The following PTGES3 variants were observed in gnomAD, a reference collection of about 807,000 sequenced individuals.
PTGES3 encodes the protein prostaglandin E synthase 3.
A neutral mutation model predicts 29.9 loss-of-function variants in PTGES3; 5 were observed. The observed-to-expected ratio is 0.17, with a 90% CI of 0.09 to 0.35. The LOEUF is 0.35. Ranked by LOEUF, PTGES3 falls within the 10% of genes least tolerant of loss-of-function variation. The pLI is 1.00. For missense variants in PTGES3, 128 were observed against 190.0 expected, an observed-to-expected ratio of 0.67 and a Z score of 1.92; for synonymous variants, 49 against 57.8, an observed-to-expected ratio of 0.85 and a Z score of 0.69.
At chr12:56,685,233 A>G (rs1209388766) in intron 1 of PTGES3, among the ~76,000 whole-genome samples, 1 of 152,194 alleles carries the variant, frequency 6.6e-6, no homozygotes, top group Non-Finnish European at 1.5e-5. Context: ...TCATTTTAAA[A>G]TTTAAGTCTT....
intron 1 of PTGES3, 199 bp downstream of exon 1, chr12:56,687,799 T>G (rs910025719): frequency 7.0e-7 from 1 of 1,429,168 alleles, no homozygotes. Context: ...GGTTCAGGGG[T>G]GGGGGAAGCA....
intron 1 of PTGES3, among the ~76,000 whole-genome samples, chr12:56,685,364 G>C (rs1279992770): frequency 6.6e-6 from 1 of 150,382 alleles, no homozygotes; most frequent in Non-Finnish European, 1.5e-5. Flanking sequence ...AAGTGGCATT[G>C]AATCACTCGT....
chr12:56,686,145 T>G (rs1333676558), intron 1 of PTGES3, among the ~76,000 whole-genome samples: 2 of 152,038 alleles, frequency 1.3e-5, no homozygotes, highest in Non-Finnish European at 2.9e-5. Flanking sequence ...TATTTAAATA[T>G]CTCATGTGGC....
chr12:56,684,683 G>A (rs746207922), intron 1 of PTGES3, among the ~76,000 whole-genome samples: 4 of 152,174 alleles, frequency 2.6e-5, no homozygotes, highest in East Asian at 3.9e-4. Flanking sequence ...TCGGTCGAAC[G>A]ACAATGATTC....
intron 1 of PTGES3, among the ~76,000 whole-genome samples, chr12:56,685,466 T>A (rs1303642075): frequency 6.7e-6 from 1 of 148,762 alleles, no homozygotes; most frequent in Admixed American, 6.8e-5. Flanking sequence ...AGTGGCGCAA[T>A]CGCCGCTCAC....
At chr12:56,677,972 T>C (rs2137670859) in intron 1 of PTGES3, among the ~76,000 whole-genome samples, 1 of 152,258 alleles carries the variant, frequency 6.6e-6, no homozygotes, top group Non-Finnish European at 1.5e-5. Context: ...TTTATAGTAC[T>C]ACAGCTGATT....
rs953743591 is a variant in PTGES3 at position 56,670,479 on chromosome 12, C to G, written c.286-115G>C. On this transcript the variant is annotated intron_variant, in intron 4 of 7. Coordinates refer to ENST00000262033, the MANE Select transcript of PTGES3 (RefSeq NM_006601.7). ...ACCAGGTCTTGCTATGTTGCCCAGG[C>G]TGGAGTGCAGCAAGCATTCACAGGT... 1.2e-5 allele frequency: 9 copies of G among 726,986 alleles called. No homozygotes were observed. In the Admixed American group the frequency reaches 2.0e-4, roughly 16 times the overall value. 45.0% of individuals were successfully genotyped at this position (726,986 alleles called of 1,614,324 possible). A position where few individuals can be genotyped will look rare whatever the true frequency, so the allele number is the denominator to read the frequency against.
intron 1 of PTGES3, among the ~76,000 whole-genome samples, chr12:56,677,627 C>CA (rs1952318960): frequency 3.3e-5 from 5 of 151,890 alleles, no homozygotes; most frequent in African/African-American, 1.2e-4. Context: ...TTTGAAATGA[C>CA]TTCTATCATC....
intron 1 of PTGES3, among the ~76,000 whole-genome samples, chr12:56,685,715 T>C (rs1196616684): frequency 6.6e-6 from 1 of 151,376 alleles, no homozygotes; most frequent in African/African-American, 2.4e-5. Flanking sequence ...GTAGCATTTT[T>C]ATTTTTTAAC....
Position 56,688,182 on chromosome 12 carries a change from G to A in PTGES3, c.-183C>T, listed in dbSNP as rs1248293483. On this transcript the variant is annotated 5_prime_UTR_variant, in exon 1 of 8. Coordinates refer to ENST00000262033, the MANE Select transcript of PTGES3 (RefSeq NM_006601.7). Reference sequence around the variant, plus strand: ...GACCTCGGGCCCCAGAATGCACCGCGCGGAAAGAGCGGCTCCTCCGGTCGG... The same window carrying A: ...GACCTCGGGCCCCAGAATGCACCGCACGGAAAGAGCGGCTCCTCCGGTCGG... 5.5e-6 allele frequency: 6 copies of A among 1,094,118 alleles called. No individual in the cohort carries two copies. The highest frequency in any genetic ancestry group is 5.0e-5 in the African/African-American group (3 of 60,042). 67.8% of individuals were successfully genotyped at this position (1,094,118 alleles called of 1,614,324 possible). A position where few individuals can be genotyped will look rare whatever the true frequency, so the allele number is the denominator to read the frequency against.
At chr12:56,671,892 C>A in intron 3 of PTGES3, 45 bp from the exon 4 acceptor site, 1 of 1,178,000 alleles carries the variant, frequency 8.5e-7, no homozygotes, top group Non-Finnish European at 1.2e-6. Context: ...TCCAGCATCA[C>A]TACATGATAG....
At chr12:56,670,585 C>A in intron 4 of PTGES3, 1 of 494,098 alleles carries the variant, frequency 2.0e-6, no homozygotes, top group Non-Finnish European at 3.7e-6. Context: ...CTTCAGGCAA[C>A]CTGGTGGTCC....
At chr12:56,665,783 G>A (rs1951762589) in intron 6 of PTGES3, 1 of 672,660 alleles carries the variant, frequency 1.5e-6, no homozygotes, top group Non-Finnish European at 1.8e-6. Context: ...TGGGATTACA[G>A]GCACCTGCCA....
At position 56,676,920 on chromosome 12, in the gene PTGES3, C is replaced by CAAAAAAA. The variant is rs34739170; in HGVS notation, c.3-3862_3-3856dup. ...TGGGTGAGAGAGTGAGATTCCGACT[C>CAAAAAAA]AAAAAAAAAAAAAAAAAAAAAAAAA... On this transcript the variant is annotated intron_variant, in intron 1 of 7. Transcript: ENST00000262033. Among the ~76,000 whole-genome samples, 31 of 50,548 alleles carry CAAAAAAA rather than the reference C, an allele frequency of 6.1e-4. 3 individuals carry two copies. The highest frequency in any genetic ancestry group is 6.9e-4 in the Non-Finnish European group (21 of 30,424). 33.2% of individuals were successfully genotyped at this position (50,548 alleles called of 152,430 possible). A position where few individuals can be genotyped will look rare whatever the true frequency, so the allele number is the denominator to read the frequency against.
At position 56,666,203 on chromosome 12, in the gene PTGES3, C is replaced by T. The variant is rs1391694177; in HGVS notation, c.438+1G>A. 6.2e-7 allele frequency: 1 copy of T among 1,607,284 alleles called. No homozygotes were observed. The highest frequency in any genetic ancestry group is 1.3e-5 in the African/African-American group (1 of 74,618). On this transcript the variant is annotated splice_donor_variant, in intron 6 of 7. Transcript: ENST00000262033. LOFTEE classifies it high-confidence loss of function. ...ACAGAAAAAAGAATTTTTAGACTTA[C>T]ATCATCTGCTCCATCTACTTCTGGT...
Position 56,669,007 on chromosome 12 carries a change from A to ATTTTTTTTTT in PTGES3, c.375+1258_375+1267dup, listed in dbSNP as rs577249197. On this transcript the variant is annotated intron_variant, in intron 5 of 7. Coordinates refer to ENST00000262033, the MANE Select transcript of PTGES3 (RefSeq NM_006601.7). The stretch of plus-strand genomic sequence containing the variant: ...TCTCATGGTAAACATTTCACCATGA[A>ATTTTTTTTTT]TTTTTTTTTTTTTTTTTTTGGAGAC... Among the ~76,000 whole-genome samples, 35 of 97,062 alleles carry ATTTTTTTTTT rather than the reference A, an allele frequency of 3.6e-4. 2 individuals carry two copies. The highest frequency in any genetic ancestry group is 9.6e-4 in the Admixed American group (7 of 7,294). 63.7% of individuals were successfully genotyped at this position (97,062 alleles called of 152,430 possible).
At chr12:56,672,500 AC>A (rs1405172372) in intron 3 of PTGES3, among the ~76,000 whole-genome samples, 4 of 152,208 alleles carry the variant, frequency 2.6e-5, no homozygotes, top group African/African-American at 7.2e-5. Context: ...AAACAAAAAA[AC>A]AAAACAAATA....
intron 1 of PTGES3, among the ~76,000 whole-genome samples, chr12:56,676,232 C>CAAAAAA (rs60053201): frequency 7.7e-6 from 1 of 129,980 alleles, no homozygotes; most frequent in African/African-American, 2.9e-5. Flanking sequence ...TCTCCCCCCC[C>CAAAAAA]AAAAAAAAAA....
intron 3 of PTGES3, among the ~76,000 whole-genome samples, chr12:56,672,194 G>C (rs1162719132): frequency 6.6e-6 from 1 of 152,104 alleles, no homozygotes; most frequent in Non-Finnish European, 1.5e-5. Context: ...ATGGTTTAAA[G>C]ATTCTATTCT....
Sources: allele counts gnomAD v4.1 joint callset (sites outside exome capture counted in the v4.1 genomes callset), GRCh38; gene constraint gnomAD v4.1.1; transcripts MANE v1.5; gene names NCBI Gene and HGNC (gene_info 2026-07-23, HGNC 2026-07-21).